STOX2: variants seen among roughly 807,000 people sequenced by gnomAD.
STOX2 encodes the protein storkhead-box protein 2.
A neutral mutation model predicts 60.9 loss-of-function variants in STOX2; 28 were observed. The ratio of observed to expected loss-of-function variants is 0.46; its 90% CI spans 0.34 to 0.63. The LOEUF (loss-of-function observed/expected upper bound fraction) is 0.63, where lower values mean the gene tolerates loss of function less well. Among genes scored for constraint, STOX2 ranks in the 30% least tolerant of loss-of-function variants. The pLI is 0.01. For synonymous variants in STOX2, 472 were observed against 463.9 expected (o/e 1.02, Z -0.22); for missense variants, 1,024 against 1,187.7 (o/e 0.86, Z 2.03).
intron 1 of STOX2, among the ~76,000 whole-genome samples, chr4:183,951,009 A>G (rs1000796306): frequency 1.3e-5 from 2 of 151,732 alleles, no homozygotes; most frequent in Non-Finnish European, 2.9e-5. Flanking sequence ...AGGTCAGGAG[A>G]TCGAGACCAT....
chr4:183,860,539 C>G (rs1401051302), intron 1 of STOX2, among the ~76,000 whole-genome samples: 1 of 150,240 alleles, frequency 6.7e-6, no homozygotes, highest in Non-Finnish European at 1.5e-5. Flanking sequence ...TGTGAAAAAT[C>G]CTGATATGCT....
chr4:183,850,884 GGATGAGAGAAAC>G (rs1349780972), intron 1 of STOX2, among the ~76,000 whole-genome samples: 91 of 141,750 alleles, frequency 6.4e-4, no homozygotes, highest in African/African-American at 2.3e-3. Flanking sequence ...ATGAGAGAAA[GGATGAGAGAAAC>G]GATGAGGGAA....
chr4:183,816,552 A>C lies in STOX2; in HGVS notation c.364+18497A>C, dbSNP rs139641279. On this transcript the variant is annotated intron_variant, in intron 1 of 2. Coordinates refer to the STOX2 transcript ENST00000513034. The stretch of plus-strand genomic sequence containing the variant: ...ACACCACCTATTGAGTACTGTATTC[A>C]CTATTTGGGTGATGGGTTCACCAGA... Among the ~76,000 whole-genome samples, 624 of 152,318 alleles carry C rather than the reference A, an allele frequency of 4.1e-3. 5 individuals are homozygous for C. The highest frequency in any genetic ancestry group is 0.014 in the African/African-American group (601 of 41,556).
intron 1 of STOX2, among the ~76,000 whole-genome samples, chr4:183,802,831 C>T (rs1004310888): frequency 2.6e-5 from 4 of 152,174 alleles, no homozygotes; most frequent in African/African-American, 9.6e-5. Flanking sequence ...CCGTATTAGC[C>T]GTGATGGTCT....
intron 1 of STOX2, among the ~76,000 whole-genome samples, chr4:183,953,712 T>C (rs543305988): frequency 1.8e-3 from 268 of 152,106 alleles, no homozygotes; most frequent in Admixed American, 3.2e-3. Flanking sequence ...ATTACAGGCG[T>C]GCACCACCAT....
Position 183,932,077 on chromosome 4 carries a change from T to A in STOX2, c.166+25121T>A, listed in dbSNP as rs1023450128. Among the ~76,000 whole-genome samples, 2 of 151,890 alleles carry A rather than the reference T, an allele frequency of 1.3e-5. 1 individual carries two copies. The highest frequency in any genetic ancestry group is 3.9e-4 in the East Asian group (2 of 5,164). On this transcript the variant is annotated intron_variant, in intron 1 of 3. Transcript: ENST00000308497. The stretch of plus-strand genomic sequence containing the variant: ...CAGAGCTGAGAAGTGCTTTGGAGAC[T>A]CAGCTGACTGACAGGTGTCAGTGAC...
intron 1 of STOX2, among the ~76,000 whole-genome samples, chr4:183,956,406 A>G (rs532486609): frequency 1.0e-4 from 14 of 139,040 alleles, no homozygotes; most frequent in South Asian, 2.3e-4. Context: ...CTATCTATCT[A>G]TCACCTATCT....
upstream of STOX2, among the ~76,000 whole-genome samples, chr4:183,904,090 T>TC (rs1442440010): frequency 6.6e-6 from 1 of 152,158 alleles, no homozygotes; most frequent in Non-Finnish European, 1.5e-5. Context: ...GCAACCCAGA[T>TC]CCCTCCAAGC....
At chr4:183,848,604 G>T (rs909366669) in intron 1 of STOX2, among the ~76,000 whole-genome samples, 1 of 152,114 alleles carries the variant, frequency 6.6e-6, no homozygotes, top group African/African-American at 2.4e-5. Context: ...CGTTAGGTGG[G>T]CAGTGGACAA....
At position 183,906,698 on chromosome 4, in the gene STOX2, C is replaced by T; in HGVS notation, c.-93C>T. ...GCTGGGAAAATGTGCGCAGAGTCCG[C>T]CCGGGTCGTGCCCGCCGTAGACGGA... On this transcript the variant is annotated 5_prime_UTR_variant, in exon 1 of 4. Transcript: ENST00000308497. 7.4e-7 allele frequency: 1 copy of T among 1,344,544 alleles called. No homozygotes were observed. Among genetic ancestry groups the T allele is most frequent in the South Asian group, 1.5e-5 (1 of 64,792 alleles). 83.3% of individuals were successfully genotyped at this position (1,344,544 alleles called of 1,614,324 possible). A position where few individuals can be genotyped will look rare whatever the true frequency, so the allele number is the denominator to read the frequency against.
intron 1 of STOX2, among the ~76,000 whole-genome samples, chr4:183,800,599 C>A (rs1288068252): frequency 6.6e-6 from 1 of 152,164 alleles, no homozygotes. Flanking sequence ...CATAGATGAG[C>A]TTTACAGGAG....
intron 1 of STOX2, among the ~76,000 whole-genome samples, chr4:183,977,363 C>A (rs548464154): frequency 6.6e-6 from 1 of 152,214 alleles, no homozygotes; most frequent in Non-Finnish European, 1.5e-5. Context: ...TGAAGGAGTT[C>A]TTTGGGGTGA....
chr4:183,891,989 G>C (rs1741225552), intron 1 of STOX2, among the ~76,000 whole-genome samples: 1 of 152,192 alleles, frequency 6.6e-6, no homozygotes, highest in Non-Finnish European at 1.5e-5. Flanking sequence ...GCGTCAATAG[G>C]ACAGGCCGGC....
chr4:183,910,490 A>G (rs893072526), intron 1 of STOX2, among the ~76,000 whole-genome samples: 2 of 152,104 alleles, frequency 1.3e-5, no homozygotes, highest in Non-Finnish European at 2.9e-5. Flanking sequence ...GCTAACTTTT[A>G]ATTTCCTTCC....
At position 183,987,342 on chromosome 4, in the gene STOX2, T is replaced by A. The variant is rs191675872; in HGVS notation, c.167-13983T>A. ...TTCTCTGCTGGCATAAATTCCTCTG[T>A]GTGTGTGTGTGTGTCGGTGTGTAAA... On this transcript the variant is annotated intron_variant, in intron 1 of 3. Transcript: ENST00000308497. Among the ~76,000 whole-genome samples, 202 of 151,498 alleles carry A rather than the reference T, an allele frequency of 1.3e-3. 4 individuals are homozygous for A. In the East Asian group the frequency reaches 0.029, roughly 22 times the overall value.
chr4:183,871,321 G>C (rs1202480930), intron 1 of STOX2, among the ~76,000 whole-genome samples: 1 of 152,138 alleles, frequency 6.6e-6, no homozygotes, highest in Non-Finnish European at 1.5e-5. Context: ...AATGCCTTTG[G>C]TAGGCATTTC....
In STOX2 at chr4:184,017,561, A is replaced by G. The variant is rs1490119621; in HGVS notation, c.*277A>G. ...TATCTGAGCACACATAGGAAAGTCT[A>G]GACACTGTAAGTGTAATACGCATTT... On this transcript the variant is annotated 3_prime_UTR_variant, in exon 4 of 4. Transcript: ENST00000308497. 6 of 292,030 alleles carry G rather than the reference A, an allele frequency of 2.1e-5. No individual in the cohort carries two copies. Among genetic ancestry groups the G allele is most frequent in the Non-Finnish European group, 3.2e-5 (5 of 156,908 alleles). The allele number at this position is 292,030 out of a possible 1,614,324, so 18.1% of individuals were successfully genotyped here.
Position 183,856,951 on chromosome 4 carries a change from G to A in STOX2, c.364+58896G>A, listed in dbSNP as rs1421815026. ...AGGAGAGAGGACATGTGAAGAGGCA[G>A]GGAGGGAGATGAGTGGATAATTAGA... is the stretch of plus-strand genomic sequence containing the variant. On this transcript the variant is annotated intron_variant, in intron 1 of 2. Transcript: ENST00000513034. This position sits in a 1 kb window ranked among gnomAD's most constrained non-coding sequence, Gnocchi z 4.0. Among the ~76,000 whole-genome samples, 11 of 152,214 alleles carry A rather than the reference G, an allele frequency of 7.2e-5. No individual in the cohort carries two copies. Among genetic ancestry groups the A allele is most frequent in the Non-Finnish European group, 7.3e-5 (5 of 68,044 alleles).
At chr4:183,813,318 G>A (rs1359708877) in intron 1 of STOX2, among the ~76,000 whole-genome samples, 1 of 152,230 alleles carries the variant, frequency 6.6e-6, no homozygotes, top group Non-Finnish European at 1.5e-5. Context: ...GGGAAGTGGA[G>A]GTTGCAGTGA....
Sources: allele counts gnomAD v4.1 joint callset (sites outside exome capture counted in the v4.1 genomes callset), GRCh38; gene constraint gnomAD v4.1.1; non-coding constraint Gnocchi (gnomAD v3.1); transcripts MANE v1.5; gene names NCBI Gene and HGNC (gene_info 2026-07-23, HGNC 2026-07-21).